CORO2A: variants seen among roughly 807,000 people sequenced by gnomAD.
CORO2A encodes coronin-2A.
A neutral mutation model predicts 62.4 loss-of-function variants in CORO2A; 47 were observed. That is an observed-to-expected ratio of 0.75 (90% CI 0.60 to 0.96). The LOEUF (loss-of-function observed/expected upper bound fraction) is 0.96, where lower values mean the gene tolerates loss of function less well. Among genes scored for constraint, CORO2A ranks in the 40% least tolerant of loss-of-function variants. CORO2A has a pLI of 0.00. For synonymous variants in CORO2A, 273 were observed against 268.9 expected, an observed-to-expected ratio of 1.02 and a Z score of -0.15; for missense variants, 610 against 684.1, an observed-to-expected ratio of 0.89 and a Z score of 1.21.
At chr9:98,158,258 C>A (rs1052067328) in intron 1 of CORO2A, among the ~76,000 whole-genome samples, 1 of 151,162 alleles carries the variant, frequency 6.6e-6, no homozygotes, top group African/African-American at 2.5e-5. Flanking sequence ...GTAGCCTGGG[C>A]AACACAGTGA....
At chr9:98,162,837 T>A (rs1442956818) in intron 1 of CORO2A, among the ~76,000 whole-genome samples, 1 of 152,070 alleles carries the variant, frequency 6.6e-6, no homozygotes, top group Non-Finnish European at 1.5e-5. Flanking sequence ...AGAACAGGAG[T>A]TCATTTTCCC....
At chr9:98,192,371 A>C (rs1828315274) in intron 1 of CORO2A, among the ~76,000 whole-genome samples, 188 bp downstream of exon 1, 1 of 152,330 alleles carries the variant, frequency 6.6e-6, no homozygotes, top group South Asian at 2.1e-4. Flanking sequence ...CCTGACGGGG[A>C]AACTGAGGCC....
rs1177639836 is a variant in CORO2A, at chr9:98,128,243, C to T, written c.1098G>A (p.Glu366=). The T allele has an allele frequency of 6.2e-7, 1 of 1,612,938 alleles. No individual in the cohort carries two copies. The highest frequency in any genetic ancestry group is 1.1e-5 in the South Asian group (1 of 90,876). The part of the protein sequence containing the change: ...IVPRRSESYQ[E]DIYPPTAGAQ... ...CCCCTGCTGTTGGAGGGTATATGTC[C>T]TCTTGGTAGGATTCTGACTGCAGGA... The change falls in exon 10 of 12, where the codon GAG becomes GAA. Residue 366 remains glutamate, a synonymous_variant. Transcript: ENST00000375077.
intron 1 of CORO2A, among the ~76,000 whole-genome samples, chr9:98,176,977 G>T (rs373274605): frequency 6.6e-6 from 1 of 152,170 alleles, no homozygotes; most frequent in Non-Finnish European, 1.5e-5. Flanking sequence ...TTCCTTATCT[G>T]TGTTGCTCTA....
chr9:98,133,915 T>C (rs1202086965), intron 4 of CORO2A, among the ~76,000 whole-genome samples: 1 of 151,528 alleles, frequency 6.6e-6, no homozygotes, highest in East Asian at 1.9e-4. Flanking sequence ...TTCCCACACC[T>C]GGCTAATTTT....
chr9:98,130,915 A>T, intron 7 of CORO2A, 40 bp downstream of exon 7: 1 of 1,536,184 alleles, frequency 6.5e-7, no homozygotes, highest in South Asian at 1.1e-5. Context: ...CCGCTGTCTC[A>T]GGGGTCCAGG....
intron 1 of CORO2A, among the ~76,000 whole-genome samples, chr9:98,188,552 G>T (rs1288982997): frequency 2.0e-5 from 3 of 152,114 alleles, no homozygotes. Flanking sequence ...ATCATTTGAG[G>T]TCAGGAGTTC....
chr9:98,151,965 C>T (rs1487354972), intron 2 of CORO2A, among the ~76,000 whole-genome samples: 15 of 151,804 alleles, frequency 9.9e-5, no homozygotes, highest in African/African-American at 3.1e-4. Context: ...CACAGGCGCA[C>T]GCCACCATGC....
chr9:98,141,702 A>G (rs1036210433), intron 2 of CORO2A, among the ~76,000 whole-genome samples: 1 of 152,206 alleles, frequency 6.6e-6, no homozygotes, highest in Non-Finnish European at 1.5e-5. Flanking sequence ...CACTGTCCTC[A>G]AGGTGAGTTT....
intron 2 of CORO2A, among the ~76,000 whole-genome samples, chr9:98,145,997 C>T (rs1233126661): frequency 6.6e-6 from 1 of 152,200 alleles, no homozygotes; most frequent in Non-Finnish European, 1.5e-5. Flanking sequence ...AGGTGTGAGC[C>T]ACCATGCTGG....
chr9:98,163,741 TGAGA>T (rs565063006), intron 1 of CORO2A, among the ~76,000 whole-genome samples: 2,937 of 139,466 alleles, frequency 0.021, 27 homozygotes, highest in African/African-American at 0.022. Flanking sequence ...TGTGTGTGTG[TGAGA>T]GAGAGAGAGA....
chr9:98,133,361 G>T (rs1827438563), intron 4 of CORO2A, 144 bp from the exon 5 acceptor site: 1 of 744,700 alleles, frequency 1.3e-6, no homozygotes, highest in Non-Finnish European at 2.2e-6. Flanking sequence ...CTCAGTGGGA[G>T]GATGATGTGC....
chr9:98,191,438 G>C (rs540331218), intron 1 of CORO2A, among the ~76,000 whole-genome samples: 1 of 152,340 alleles, frequency 6.6e-6, no homozygotes. Flanking sequence ...GGGCTGCTGG[G>C]TCTGGAGATG....
chr9:98,144,171 AGAGT>A (rs1827610965), intron 2 of CORO2A, among the ~76,000 whole-genome samples: 1 of 151,320 alleles, frequency 6.6e-6, no homozygotes, highest in Non-Finnish European at 1.5e-5. Flanking sequence ...CCTGGGCAAC[AGAGT>A]GAGATCCTGT....
chr9:98,162,466 C>T (rs781474836), intron 1 of CORO2A, among the ~76,000 whole-genome samples: 1 of 152,020 alleles, frequency 6.6e-6, no homozygotes, highest in Non-Finnish European at 1.5e-5. Flanking sequence ...CAATCCTCTC[C>T]CCACCCTAAC....
At chr9:98,168,355 T>C (rs998497224) in intron 1 of CORO2A, among the ~76,000 whole-genome samples, 1 of 152,218 alleles carries the variant, frequency 6.6e-6, no homozygotes, top group Non-Finnish European at 1.5e-5. Flanking sequence ...ACCAGGAAAA[T>C]CAGGCACTAC....
chr9:98,124,689 C>A lies in CORO2A; in HGVS notation c.*85G>T. 7.6e-7 allele frequency: 1 copy of A among 1,308,504 alleles called. No homozygotes were observed. The highest frequency in any genetic ancestry group is 1.0e-6 in the Non-Finnish European group (1 of 988,722). The allele number at this position is 1,308,504 out of a possible 1,614,324, so 81.1% of individuals were successfully genotyped here. On this transcript the variant is annotated 3_prime_UTR_variant, in exon 12 of 12. Coordinates refer to ENST00000375077, the MANE Select transcript of CORO2A (RefSeq NM_052820.4). ...TAAAAAATATAGAAATAGTGGTTGT[C>A]CTTGAGGGGACTTGTGGTTTGGTTC...
intron 1 of CORO2A, among the ~76,000 whole-genome samples, chr9:98,159,313 G>C (rs1001889759): frequency 6.6e-6 from 1 of 152,096 alleles, no homozygotes; most frequent in Admixed American, 6.6e-5. Context: ...CCTCTCAAAG[G>C]TTGGGATTAA....
intron 2 of CORO2A, among the ~76,000 whole-genome samples, chr9:98,154,329 G>GTGTATATATATATATATATATATATA (rs1439685527): frequency 1.9e-4 from 17 of 88,918 alleles, no homozygotes; most frequent in South Asian, 1.4e-3. Flanking sequence ...GTGTTTGTGT[G>GTGTATATATATATATATATATATATA]TATATATATA....
Sources: gnomAD v4.1 joint callset for allele counts (sites outside exome capture counted in the v4.1 genomes callset) on GRCh38, gnomAD v4.1.1 for gene constraint, MANE v1.5 for transcripts, NCBI Gene and HGNC (gene_info 2026-07-23, HGNC 2026-07-21) for gene names.